PHLPP1: variants seen among roughly 807,000 people sequenced by gnomAD.
The protein encoded by PHLPP1 is PH domain and leucine rich repeat protein phosphatase 1, also known as PH domain leucine-rich repeat-containing protein phosphatase 1.
Under a neutral mutation model 117.2 loss-of-function variants are expected in PHLPP1, and 42 were observed. The observed-to-expected ratio is 0.36, with a 90% confidence interval of 0.28 to 0.46. PHLPP1 has a LOEUF of 0.46. Among genes scored for constraint, PHLPP1 ranks in the 20% least tolerant of loss-of-function variants. PHLPP1 has a pLI of 1.00. For missense variants in PHLPP1, 2,084 were observed against 2,241.9 expected, an observed-to-expected ratio of 0.93 and a Z score of 1.42; for synonymous variants, 1,042 against 970.7, an observed-to-expected ratio of 1.07 and a Z score of -1.37.
chr18:62,865,672 G>T (rs368125704), intron 4 of PHLPP1, among the ~76,000 whole-genome samples: 1 of 152,168 alleles, frequency 6.6e-6, no homozygotes, highest in East Asian at 1.9e-4. Context: ...AAGAAATGTG[G>T]TACTTAATAT....
At chr18:62,789,977 T>C (rs1913410789) in intron 1 of PHLPP1, among the ~76,000 whole-genome samples, 2 of 152,220 alleles carry the variant, frequency 1.3e-5, no homozygotes. Flanking sequence ...ATTTTCCAGC[T>C]AATTTTTAAA....
intron 2 of PHLPP1, among the ~76,000 whole-genome samples, chr18:62,834,756 C>T (rs1369689065): frequency 6.6e-6 from 1 of 152,086 alleles, no homozygotes; most frequent in Non-Finnish European, 1.5e-5. Context: ...GCTGTATACC[C>T]CCATTAAACC....
At chr18:62,970,815 C>G (rs1350362219) in intron 14 of PHLPP1, among the ~76,000 whole-genome samples, 1 of 152,160 alleles carries the variant, frequency 6.6e-6, no homozygotes, top group Non-Finnish European at 1.5e-5. Context: ...ACTCACCTGG[C>G]TGTCATTATC....
Position 62,717,241 on chromosome 18 carries a change from C to G in PHLPP1, c.1558C>G (p.Leu520Val). ...AGGCATGGACTCGGAGATTGGCTGC[C>G]TCATCCGCTTCTATGCAGGTAAGGA... is the stretch of plus-strand genomic sequence containing the variant. ...EEGMDSEIGC[L>V]IRFYAGKPHS... The change falls in exon 1 of 17, where the codon CTC (leucine) becomes GTC (valine). Residue 520 changes from leucine (L) to valine (V), a missense_variant. By Grantham distance (32) the Leu-to-Val change is conservative (BLOSUM62 1). This residue lies in a region of PHLPP1 where 1,365 missense variants were observed against 1,605.9 expected (regional missense o/e 0.85). Coordinates refer to ENST00000262719, the MANE Select transcript of PHLPP1 (RefSeq NM_194449.4). 1.9e-6 allele frequency: 3 copies of G among 1,595,030 alleles called. No individual in the cohort carries two copies. The highest frequency in any genetic ancestry group is 2.6e-6 in the Non-Finnish European group (3 of 1,168,330).
chr18:62,845,596 A>G (rs565368429), intron 3 of PHLPP1, among the ~76,000 whole-genome samples: 2 of 152,316 alleles, frequency 1.3e-5, no homozygotes, highest in East Asian at 3.9e-4. Context: ...GGTTTCCAAC[A>G]TATCGATTTG....
At chr18:62,823,989 A>G (rs571370577) in intron 1 of PHLPP1, among the ~76,000 whole-genome samples, 1 of 152,126 alleles carries the variant, frequency 6.6e-6, no homozygotes, top group African/African-American at 2.4e-5. Context: ...AAAATTAGCC[A>G]GGCGTGGTGG....
intron 1 of PHLPP1, among the ~76,000 whole-genome samples, chr18:62,742,696 A>G (rs1172676050): frequency 1.3e-5 from 2 of 152,178 alleles, no homozygotes; most frequent in Admixed American, 1.3e-4. Flanking sequence ...GGCCTCCCAA[A>G]GTGTTGGGAT....
intron 1 of PHLPP1, among the ~76,000 whole-genome samples, chr18:62,800,791 T>C (rs941084897): frequency 8.5e-5 from 13 of 152,168 alleles, no homozygotes; most frequent in African/African-American, 3.1e-4. Context: ...AGCTGGCTTC[T>C]CCGGCTACCT....
At chr18:62,938,074 C>A (rs995453249) in intron 10 of PHLPP1, among the ~76,000 whole-genome samples, 48 of 152,006 alleles carry the variant, frequency 3.2e-4, no homozygotes, top group African/African-American at 1.0e-3. Flanking sequence ...AAGTACCTTA[C>A]AAATGAAAAG....
Position 62,903,045 on chromosome 18 carries a change from G to A in PHLPP1, c.2526G>A (p.Lys842=). Residue 842 remains lysine (K), a synonymous_variant, in exon 7 of 17, where the codon AAG becomes AAA. Coordinates refer to ENST00000262719, the MANE Select transcript of PHLPP1 (RefSeq NM_194449.4). ...HVTQLDLRDN[K]LGDLDAMIFN... ...CTCAGCTTGACCTACGAGACAATAA[G>A]CTTGGTGATCTAGATGCTATGATTT... The A allele has an allele frequency of 2.5e-6, 4 of 1,613,202 alleles. No homozygotes were observed. Among genetic ancestry groups the A allele is most frequent in the Non-Finnish European group, 3.4e-6 (4 of 1,179,338 alleles).
intron 1 of PHLPP1, among the ~76,000 whole-genome samples, chr18:62,766,084 TATATATATATATATATATAAA>T (rs1460863401): frequency 4.6e-4 from 25 of 54,246 alleles, no homozygotes; most frequent in East Asian, 3.6e-3. Flanking sequence ...AAAATATATA[TATATATATATATATATATAAA>T]ATATATATAT....
intron 1 of PHLPP1, among the ~76,000 whole-genome samples, chr18:62,761,659 A>G (rs1219512591): frequency 1.3e-5 from 2 of 151,622 alleles, no homozygotes; most frequent in Non-Finnish European, 2.9e-5. Flanking sequence ...AAATAAAAAA[A>G]TAAAAAATAA....
At chr18:62,747,276 CTTT>C (rs564178033) in intron 1 of PHLPP1, among the ~76,000 whole-genome samples, 1 of 123,206 alleles carries the variant, frequency 8.1e-6, no homozygotes, top group Non-Finnish European at 1.7e-5. Flanking sequence ...TCTTCATTTC[CTTT>C]TTTTTTTTTT....
chr18:62,968,947 G>A (rs994747305), intron 14 of PHLPP1, among the ~76,000 whole-genome samples: 2 of 151,912 alleles, frequency 1.3e-5, no homozygotes, highest in African/African-American at 4.8e-5. Flanking sequence ...TTGGTTTATC[G>A]ATTTTATTGA....
At position 62,926,371 on chromosome 18, in the gene PHLPP1, C is replaced by A. The variant is rs76911085; in HGVS notation, c.2960+6257C>A. On this transcript the variant is annotated intron_variant, in intron 10 of 16. Coordinates refer to ENST00000262719, the MANE Select transcript of PHLPP1 (RefSeq NM_194449.4). ...ACCAGAAAGGTTTAGCCAGAAGCTT[C>A]CAAGTATTCCTGTGTTCAGCTGTGA... 4.4e-3 allele frequency among the ~76,000 whole-genome samples: 677 copies of A among 152,236 alleles called. 9 individuals are homozygous for A. Among genetic ancestry groups the A allele is most frequent in the African/African-American group, 0.016 (648 of 41,552 alleles).
intron 1 of PHLPP1, among the ~76,000 whole-genome samples, chr18:62,747,498 C>G (rs1911714138): frequency 6.6e-6 from 1 of 151,308 alleles, no homozygotes; most frequent in African/African-American, 2.4e-5. Context: ...TCCCTCCTCT[C>G]CCACCTTCCC....
intron 3 of PHLPP1, among the ~76,000 whole-genome samples, chr18:62,856,025 A>G (rs918361955): frequency 6.6e-6 from 1 of 152,230 alleles, no homozygotes; most frequent in African/African-American, 2.4e-5. Context: ...GAGAAAAAAT[A>G]AGAAAATTCC....
intron 1 of PHLPP1, among the ~76,000 whole-genome samples, chr18:62,795,306 C>T: frequency 6.6e-6 from 1 of 151,770 alleles, no homozygotes; most frequent in Non-Finnish European, 1.5e-5. Context: ...GGTGAAACCT[C>T]ATCTCTACTA....
At chr18:62,777,542 G>C (rs952943776) in intron 1 of PHLPP1, among the ~76,000 whole-genome samples, 1 of 150,808 alleles carries the variant, frequency 6.6e-6, no homozygotes, top group African/African-American at 2.4e-5. Flanking sequence ...TATCTAAAGG[G>C]TGTTGTTTTG....
Sources: gnomAD v4.1 joint callset for allele counts (sites outside exome capture counted in the v4.1 genomes callset) on GRCh38, gnomAD v4.1.1 for gene constraint, gnomAD v4.1.1 regional missense constraint, MANE v1.5 for transcripts, NCBI Gene and HGNC (gene_info 2026-07-23, HGNC 2026-07-21) for gene names.